The following INPP5K variants were observed in gnomAD, a reference collection of about 807,000 sequenced individuals.
The protein encoded by INPP5K is inositol polyphosphate 5-phosphatase K.
Under a neutral mutation model 53.5 loss-of-function variants are expected in INPP5K, and 35 were observed. The observed-to-expected ratio is 0.65, with a 90% CI of 0.50 to 0.87. The LOEUF is 0.87. Ranked by LOEUF, INPP5K falls within the 40% of genes least tolerant of loss-of-function variation. The pLI is 0.00. For missense variants in INPP5K, 550 were observed against 586.2 expected, an observed-to-expected ratio of 0.94 and a Z score of 0.64; for synonymous variants, 253 against 232.8, an observed-to-expected ratio of 1.09 and a Z score of -0.79.
chr17:1,509,207 C>T lies in INPP5K; in HGVS notation c.525G>A (p.Gly175=), dbSNP rs2075246203. 5.6e-6 allele frequency: 9 copies of T among 1,613,590 alleles called. No homozygotes were observed. The highest frequency in any genetic ancestry group is 7.6e-6 in the Non-Finnish European group (9 of 1,179,982). ...GGTCCAGGATGTTTGGGATGTCTCG[C>T]CCCTCACAATTCTGCATCTCCAGGA... ...DRILEMQNCE[G]RDIPNILDHD... The change falls in exon 5 of 12, where the codon GGG becomes GGA. Residue 175 remains glycine (G), a synonymous_variant. Coordinates refer to ENST00000421807, the MANE Select transcript of INPP5K (RefSeq NM_016532.4).
chr17:1,508,261 T>A (rs867572537), intron 5 of INPP5K, 35 bp from the exon 6 acceptor site: 14 of 1,532,200 alleles, frequency 9.1e-6, no homozygotes, highest in Middle Eastern at 1.7e-4. Context: ...TGAGGATTTG[T>A]GATGAAGTCG....
At chr17:1,503,719 G>A (rs1207917520) in intron 7 of INPP5K, among the ~76,000 whole-genome samples, 1 of 151,924 alleles carries the variant, frequency 6.6e-6, no homozygotes, top group African/African-American at 2.4e-5. Context: ...ACTCTGTCTC[G>A]AAAAAAATAA....
At chr17:1,510,167 C>T (rs769323505) in intron 3 of INPP5K, among the ~76,000 whole-genome samples, 7 of 152,216 alleles carry the variant, frequency 4.6e-5, no homozygotes, top group Non-Finnish European at 8.8e-5. Context: ...AGTAGGAATC[C>T]ATCTCATAGA....
chr17:1,505,559 GCCT>G (rs906238169), intron 7 of INPP5K, among the ~76,000 whole-genome samples: 13 of 152,232 alleles, frequency 8.5e-5, no homozygotes, highest in Non-Finnish European at 1.6e-4. Flanking sequence ...AGCGTCCACT[GCCT>G]CCTCTTCTGT....
intron 7 of INPP5K, among the ~76,000 whole-genome samples, chr17:1,500,734 C>T (rs1354986962): frequency 6.8e-6 from 1 of 146,624 alleles, no homozygotes; most frequent in African/African-American, 2.5e-5. Flanking sequence ...CTCAGCATGT[C>T]ACTTAGGTGT....
chr17:1,498,464 C>T (rs2074920491), intron 7 of INPP5K, among the ~76,000 whole-genome samples: 2 of 152,148 alleles, frequency 1.3e-5, no homozygotes, highest in African/African-American at 4.8e-5. Context: ...GTTTGAGATT[C>T]TGAGGCTGGA....
At chr17:1,508,357 G>C in intron 5 of INPP5K, 131 bp from the exon 6 acceptor site, 1 of 712,162 alleles carries the variant, frequency 1.4e-6, no homozygotes. Flanking sequence ...TGAGACGCCA[G>C]GGCACGCGTG....
At chr17:1,499,964 C>A (rs2074964294) in intron 7 of INPP5K, among the ~76,000 whole-genome samples, 1 of 152,324 alleles carries the variant, frequency 6.6e-6, no homozygotes, top group South Asian at 2.1e-4. Context: ...ATTGATCAAT[C>A]CATCGACAGG....
chr17:1,496,677 C>T lies in INPP5K; in HGVS notation c.1090G>A (p.Gly364Arg), dbSNP rs745409744. 6.2e-7 allele frequency: 1 copy of T among 1,614,194 alleles called. No individual in the cohort carries two copies. The highest frequency in any genetic ancestry group is 8.5e-7 in the Non-Finnish European group (1 of 1,180,038). The change falls in exon 9 of 12, where the codon GGA (glycine) becomes AGA (arginine). Residue 364 changes from glycine to arginine, a missense_variant. Transcript: ENST00000421807. ...DFPSSPWDWI[G>R]LYKVGLRDVN... Reference sequence around the variant, plus strand: ...TGCCACCACATCACCTTGTACAGTCCAATCCAGTCCCACGGGCTGCTGGGG... The same window carrying T: ...TGCCACCACATCACCTTGTACAGTCTAATCCAGTCCCACGGGCTGCTGGGG...
In INPP5K at chr17:1,513,983, C is replaced by T. The variant is rs534764508; in HGVS notation, c.45-4G>A. On this transcript the variant is annotated splice_polypyrimidine_tract_variant and splice_region_variant and intron_variant, in intron 1 of 11. Coordinates refer to ENST00000421807, the MANE Select transcript of INPP5K (RefSeq NM_016532.4). ...GTTCCAAGTCACGACGTGTATGCTG[C>T]GGAAGGGATGCAGAGGGAAGTCATG... 41 of 1,598,854 alleles carry T rather than the reference C, an allele frequency of 2.6e-5. No individual in the cohort carries two copies. The highest frequency in any genetic ancestry group is 1.1e-4 in the South Asian group (10 of 90,006).
At chr17:1,509,389 C>A (rs2075252825) in intron 4 of INPP5K, 36 bp from the exon 5 acceptor site, 1 of 1,592,002 alleles carries the variant, frequency 6.3e-7, no homozygotes, top group Non-Finnish European at 8.6e-7. Flanking sequence ...TGGGAAGCTA[C>A]TCGGGTTGGA....
At chr17:1,506,913 T>C in intron 7 of INPP5K, 67 bp downstream of exon 7, 8 of 1,108,760 alleles carry the variant, frequency 7.2e-6, no homozygotes, top group Middle Eastern at 2.0e-4. Context: ...TCTGAGACAG[T>C]TCCCATGCCA....
intron 7 of INPP5K, among the ~76,000 whole-genome samples, chr17:1,502,256 A>C (rs565015464): frequency 2.0e-5 from 3 of 152,058 alleles, no homozygotes; most frequent in Non-Finnish European, 1.5e-5. Flanking sequence ...GGCTGAGGCA[A>C]GAGAATGGCG....
intron 2 of INPP5K, 77 bp downstream of exon 2, chr17:1,513,795 G>A (rs1259609618): frequency 1.4e-5 from 16 of 1,150,856 alleles, no homozygotes; most frequent in Non-Finnish European, 1.9e-5. Flanking sequence ...CAGAGCGGAG[G>A]AGGGCAGGTC....
In INPP5K at chr17:1,513,544, G is replaced by C; in HGVS notation, c.170C>G (p.Ser57Cys). Residue 57 changes from serine (S) to cysteine (C), a missense_variant, in exon 3 of 12, where the codon TCT (serine) becomes TGT (cysteine). Coordinates refer to ENST00000421807, the MANE Select transcript of INPP5K (RefSeq NM_016532.4). ...IYVIGLQELN[S>C]GIISLLSDAA... Reference sequence around the variant, plus strand: ...ATCGGAAAGGAGGCTTATGATCCCAGAGTTCAATTCCTGCAAACTGACCAT... The same window carrying C: ...ATCGGAAAGGAGGCTTATGATCCCACAGTTCAATTCCTGCAAACTGACCAT... 1 of 1,614,258 alleles carries C rather than the reference G, an allele frequency of 6.2e-7. No homozygotes were observed.
chr17:1,516,267 C>T (rs746135889), intron 1 of INPP5K, 189 bp downstream of exon 1: 4 of 877,204 alleles, frequency 4.6e-6, no homozygotes, highest in Non-Finnish European at 6.5e-6. Context: ...AGCTTGGCGG[C>T]CTCGGCTTAG....
intron 3 of INPP5K, among the ~76,000 whole-genome samples, chr17:1,513,171 A>T (rs1262345811): frequency 6.6e-6 from 1 of 152,176 alleles, no homozygotes; most frequent in Non-Finnish European, 1.5e-5. Flanking sequence ...AGCGGCCAGC[A>T]CTGAGGTGAT....
Position 1,496,299 on chromosome 17 carries a change from A to G in INPP5K, c.1185+20T>C. 2 of 1,553,182 alleles carry G rather than the reference A, an allele frequency of 1.3e-6. No individual in the cohort carries two copies. Among genetic ancestry groups the G allele is most frequent in the Non-Finnish European group, 1.7e-6 (2 of 1,146,250 alleles). On this transcript the variant is annotated intron_variant, in intron 10 of 11. Coordinates refer to ENST00000421807, the MANE Select transcript of INPP5K (RefSeq NM_016532.4). ...AGGCAGGCCTGCCTGCTGGTGATGTACCTGGTGCTGGTGACGTACCTGGTT... is the reference window on the plus strand; with the variant it reads ...AGGCAGGCCTGCCTGCTGGTGATGTGCCTGGTGCTGGTGACGTACCTGGTT...
Position 1,496,706 on chromosome 17 carries a change from T to C in INPP5K, c.1061A>G (p.Asp354Gly), listed in dbSNP as rs952475597. The C allele has an allele frequency of 1.2e-6, 2 of 1,614,020 alleles. No individual in the cohort carries two copies. The highest frequency in any genetic ancestry group is 2.7e-5 in the African/African-American group (2 of 74,908). ...DMMVSYSSTS[D>G]FPSSPWDWIG... is the part of the protein sequence containing the mutation. ...CCAGTCCCACGGGCTGCTGGGGAAG[T>C]CCGAGGTTGAAGAGTAGCTGACCAT... is the stretch of plus-strand genomic sequence containing the variant. Residue 354 changes from aspartate (D) to glycine (G), a missense_variant, in exon 9 of 12, where the codon GAC (aspartate) becomes GGC (glycine). Asp to Gly is a moderately conservative substitution (Grantham distance 94). Transcript: ENST00000421807.
Sources: gnomAD v4.1 joint callset for allele counts (sites outside exome capture counted in the v4.1 genomes callset) on GRCh38, gnomAD v4.1.1 for gene constraint, MANE v1.5 for transcripts, NCBI Gene and HGNC (gene_info 2026-07-23, HGNC 2026-07-21) for gene names.